Variants in AFAP1 observed in about 807,000 individuals in gnomAD.
AFAP1 encodes actin filament associated protein 1, also known as actin filament-associated protein 1.
In AFAP1, 75 loss-of-function variants were observed where a neutral mutation model predicts 93.9. That is an observed-to-expected ratio of 0.80 (90% CI 0.66 to 0.97). The LOEUF (loss-of-function observed/expected upper bound fraction) is 0.97, where lower values mean the gene tolerates loss of function less well. Ranked by LOEUF, AFAP1 falls within the 50% of genes least tolerant of loss-of-function variation. The pLI, the probability that AFAP1 is intolerant of heterozygous loss-of-function variation, is 0.00. For missense variants in AFAP1, 1,201 were observed against 1,050.8 expected (o/e 1.14, Z -1.98); for synonymous variants, 517 against 430.7 (o/e 1.20, Z -2.48).
At chr4:7,877,204 G>C (rs1212915609) in intron 1 of AFAP1, among the ~76,000 whole-genome samples, 1 of 152,228 alleles carries the variant, frequency 6.6e-6, no homozygotes, top group East Asian at 1.9e-4. Flanking sequence ...CAGCCTAGCA[G>C]TACATTCTGC....
chr4:7,787,650 G>C (rs772274433), intron 11 of AFAP1, among the ~76,000 whole-genome samples: 12 of 152,240 alleles, frequency 7.9e-5, no homozygotes, highest in East Asian at 1.9e-4. Context: ...TTAGTGGCCA[G>C]AGGTGAGGCC....
intron 1 of AFAP1, among the ~76,000 whole-genome samples, chr4:7,873,541 G>A (rs999155519): frequency 3.3e-5 from 5 of 151,230 alleles, no homozygotes; most frequent in Admixed American, 6.6e-5. Context: ...GTAGAGACGG[G>A]GTTTCACCGT....
chr4:7,769,311 G>A (rs577872386), intron 16 of AFAP1, among the ~76,000 whole-genome samples: 2 of 152,130 alleles, frequency 1.3e-5, no homozygotes, highest in African/African-American at 4.8e-5. Flanking sequence ...TCAAAGCTGG[G>A]CTCTTGCATG....
chr4:7,846,919 G>T (rs1366339491), intron 4 of AFAP1, among the ~76,000 whole-genome samples: 1 of 152,186 alleles, frequency 6.6e-6, no homozygotes, highest in South Asian at 2.1e-4. Flanking sequence ...ACATGAACCC[G>T]TGCCTTTGTA....
chr4:7,775,374 G>C (rs1454304131), intron 14 of AFAP1: 1 of 153,366 alleles, frequency 6.5e-6, no homozygotes, highest in Non-Finnish European at 1.4e-5. Context: ...TTCCCTTTGA[G>C]GCACACGGCT....
chr4:7,897,098 T>C (rs1220137215), intron 1 of AFAP1, among the ~76,000 whole-genome samples: 3 of 152,142 alleles, frequency 2.0e-5, no homozygotes, highest in African/African-American at 2.4e-5. Context: ...ATGATGTTTA[T>C]CTTCAGTTTG....
intron 13 of AFAP1, 123 bp downstream of exon 13, chr4:7,781,253 G>T: frequency 1.6e-6 from 2 of 1,255,796 alleles, no homozygotes; most frequent in Non-Finnish European, 2.2e-6. Context: ...TATTCTAGTT[G>T]AGAAAAAAAA....
intron 1 of AFAP1, chr4:7,872,352 C>G (rs1482150959): frequency 8.2e-6 from 3 of 367,732 alleles, no homozygotes; most frequent in South Asian, 1.1e-4. Context: ...GGTGTGACAA[C>G]CCAAAGGCCT....
chr4:7,832,664 A>T (rs567070913), intron 6 of AFAP1, among the ~76,000 whole-genome samples: 1 of 76,098 alleles, frequency 1.3e-5, no homozygotes, highest in Non-Finnish European at 2.5e-5. Flanking sequence ...CCTAAAATTC[A>T]TATGTTAAAA....
chr4:7,800,457 C>T lies in AFAP1; in HGVS notation c.1251G>A (p.Glu417=), dbSNP rs755322962. The change falls in exon 10 of 18, where the codon GAG becomes GAA. Residue 417 remains glutamate, a synonymous_variant. Coordinates refer to ENST00000420658, the MANE Select transcript of AFAP1 (RefSeq NM_001134647.2). ...AATATCCTACCTCCAATACTGCAAC[C>T]TCCTGGCCGTTGCGCAGCAGCCGGA... ...LTFRLLRNGQ[E]VAVLEASSSE... 3.1e-6 allele frequency: 5 copies of T among 1,614,170 alleles called. No homozygotes were observed. Among genetic ancestry groups the T allele is most frequent in the Middle Eastern group, 3.3e-4 (2 of 6,060 alleles).
At chr4:7,847,194 C>T (rs953523123) in intron 4 of AFAP1, among the ~76,000 whole-genome samples, 14 of 150,268 alleles carry the variant, frequency 9.3e-5, no homozygotes, top group African/African-American at 1.7e-4. Context: ...TATGCTTAGC[C>T]GTGTCCCAAT....
chr4:7,849,400 G>A (rs891185031), intron 4 of AFAP1, among the ~76,000 whole-genome samples: 12 of 152,206 alleles, frequency 7.9e-5, no homozygotes, highest in South Asian at 2.1e-4. Flanking sequence ...ATCAACAAAG[G>A]AAAGGAGTGG....
chr4:7,889,324 G>A (rs985524079), intron 1 of AFAP1, among the ~76,000 whole-genome samples: 19 of 151,798 alleles, frequency 1.3e-4, no homozygotes, highest in East Asian at 3.9e-4. Context: ...CAAGGGGGAC[G>A]GATCACGAGG....
chr4:7,854,527 G>C (rs1364615393), intron 4 of AFAP1, among the ~76,000 whole-genome samples: 1 of 152,180 alleles, frequency 6.6e-6, no homozygotes, highest in Non-Finnish European at 1.5e-5. Context: ...CGCGCTCGTA[G>C]ACTGCCAAGG....
chr4:7,889,542 CAAAAAAAAA>C (rs576725041), intron 1 of AFAP1, among the ~76,000 whole-genome samples: 2 of 60,680 alleles, frequency 3.3e-5, no homozygotes, highest in East Asian at 6.8e-4. Flanking sequence ...AACTCCATCC[CAAAAAAAAA>C]AAAAAAAGAA....
At chr4:7,810,055 G>A (rs1719878216) in intron 8 of AFAP1, among the ~76,000 whole-genome samples, 1 of 152,126 alleles carries the variant, frequency 6.6e-6, no homozygotes, top group Non-Finnish European at 1.5e-5. Flanking sequence ...TAGAAATGGG[G>A]TTTCCCCATG....
At chr4:7,802,516 C>A (rs1719136257) in intron 9 of AFAP1, among the ~76,000 whole-genome samples, 1 of 152,136 alleles carries the variant, frequency 6.6e-6, no homozygotes, top group Admixed American at 6.5e-5. Context: ...AGACCTGAAC[C>A]CCTGTTGGGA....
rs141324072 is a variant in AFAP1 at position 7,793,425 on chromosome 4, C to T, written c.1412+256G>A. Among the ~76,000 whole-genome samples the T allele has an allele frequency of 2.4e-3, 359 of 152,344 alleles. 1 individual carries two copies. The highest frequency in any genetic ancestry group is 8.4e-3 in the African/African-American group (348 of 41,570). On this transcript the variant is annotated intron_variant, in intron 11 of 17. Transcript: ENST00000420658. Reference sequence around the variant, plus strand: ...GAGCTGAGTGGTTATTAACAGGAAACGTGTGGCCCACAAAACCAAAAATAT... The same window carrying T: ...GAGCTGAGTGGTTATTAACAGGAAATGTGTGGCCCACAAAACCAAAAATAT...
chr4:7,809,926 A>G (rs1012983074), intron 8 of AFAP1, among the ~76,000 whole-genome samples, 163 bp from the exon 9 acceptor site: 4 of 152,102 alleles, frequency 2.6e-5, no homozygotes, highest in Non-Finnish European at 5.9e-5. Context: ...TGTTGTGATC[A>G]CAGCTCAATG....
Sources: gnomAD v4.1 joint callset for allele counts (sites outside exome capture counted in the v4.1 genomes callset) on GRCh38, gnomAD v4.1.1 for gene constraint, MANE v1.5 for transcripts, NCBI Gene and HGNC (gene_info 2026-07-23, HGNC 2026-07-21) for gene names.